The following ZFYVE28 variants were observed in gnomAD, a reference collection of about 807,000 sequenced individuals.
ZFYVE28 encodes the protein zinc finger FYVE-type containing 28, also known as lateral signaling target protein 2 homolog.
ZFYVE28 carries 40 observed loss-of-function variants against 82.1 expected under a neutral mutation model. The observed-to-expected ratio is 0.49, with a 90% CI of 0.38 to 0.63. The LOEUF is 0.63. Ranked by LOEUF, ZFYVE28 falls within the 30% of genes least tolerant of loss-of-function variation. ZFYVE28 has a pLI of 0.00. For missense variants in ZFYVE28, 1,321 were observed against 1,242.1 expected (o/e 1.06, Z -0.96); for synonymous variants, 612 against 546.1 (o/e 1.12, Z -1.68).
intron 1 of ZFYVE28, among the ~76,000 whole-genome samples, chr4:2,368,819 A>G (rs1205777527): frequency 6.6e-6 from 1 of 152,214 alleles, no homozygotes; most frequent in Non-Finnish European, 1.5e-5. Context: ...CTCTCTGGGT[A>G]TATATCTAGA....
At chr4:2,399,832 C>T (rs1437647467) in intron 1 of ZFYVE28, among the ~76,000 whole-genome samples, 12 of 152,238 alleles carry the variant, frequency 7.9e-5, no homozygotes, top group African/African-American at 1.9e-4. Flanking sequence ...GGACGTGAGC[C>T]GTACCAGTCA....
At chr4:2,387,948 T>C (rs1425574284) in intron 1 of ZFYVE28, among the ~76,000 whole-genome samples, 2 of 152,210 alleles carry the variant, frequency 1.3e-5, no homozygotes, top group African/African-American at 4.8e-5. Context: ...GGGCCCCACA[T>C]TCATGCTGCC....
At chr4:2,322,334 G>T (rs190686690) in intron 6 of ZFYVE28, among the ~76,000 whole-genome samples, 1 of 152,210 alleles carries the variant, frequency 6.6e-6, no homozygotes, top group African/African-American at 2.4e-5. Context: ...TGCCAGAAAC[G>T]GTGGGTCCAA....
chr4:2,308,649 G>GAAAGAAAGA (rs1716975236), intron 7 of ZFYVE28, among the ~76,000 whole-genome samples: 2 of 104,476 alleles, frequency 1.9e-5, no homozygotes, highest in Non-Finnish European at 3.9e-5. Flanking sequence ...AAGAAAGAAA[G>GAAAGAAAGA]AAAGAAAGAA....
chr4:2,325,038 T>C (rs541287257), intron 6 of ZFYVE28: 6 of 154,360 alleles, frequency 3.9e-5, no homozygotes, highest in South Asian at 4.0e-4. Flanking sequence ...AGAATGCAAA[T>C]TGTAACTATA....
intron 10 of ZFYVE28, among the ~76,000 whole-genome samples, 195 bp from the exon 11 acceptor site, chr4:2,271,974 C>T (rs1471174731): frequency 1.3e-5 from 2 of 152,224 alleles, no homozygotes; most frequent in Non-Finnish European, 2.9e-5. Flanking sequence ...GAGCAGGGGC[C>T]TCTCCTTTGC....
At chr4:2,290,471 T>A (rs1366923898) in intron 8 of ZFYVE28, among the ~76,000 whole-genome samples, 1 of 152,186 alleles carries the variant, frequency 6.6e-6, no homozygotes, top group Non-Finnish European at 1.5e-5. Context: ...GACACTCCTG[T>A]CTGTTGGCCC....
intron 1 of ZFYVE28, among the ~76,000 whole-genome samples, chr4:2,386,163 G>A (rs1729239017): frequency 6.6e-6 from 1 of 152,122 alleles, no homozygotes; most frequent in South Asian, 2.1e-4. Flanking sequence ...AATGCACATG[G>A]AAGTAAATCC....
intron 1 of ZFYVE28, among the ~76,000 whole-genome samples, chr4:2,356,403 G>GC (rs534175881): frequency 1.5e-5 from 2 of 129,536 alleles, no homozygotes; most frequent in African/African-American, 3.1e-5. Context: ...CCCAGACCCC[G>GC]CCCCCCCGGC....
intron 1 of ZFYVE28, among the ~76,000 whole-genome samples, chr4:2,357,585 G>A (rs1725521494): frequency 6.6e-6 from 1 of 152,178 alleles, no homozygotes; most frequent in Non-Finnish European, 1.5e-5. Flanking sequence ...ATGGGAGGGT[G>A]GGAGAAGCAG....
rs6814736 is a variant in ZFYVE28, at chr4:2,394,566, G to T, written c.39+23719C>A. ...AGGGTCATGAACCACAAGTTATGATGGCTCCAGCTGTGTGCACATAAGGTC... is the reference window on the plus strand; with the variant it reads ...AGGGTCATGAACCACAAGTTATGATTGCTCCAGCTGTGTGCACATAAGGTC... On this transcript the variant is annotated intron_variant, in intron 1 of 12. Coordinates refer to ENST00000290974, the MANE Select transcript of ZFYVE28 (RefSeq NM_020972.3). The surrounding 1 kb of genome is among the most constrained non-coding windows in gnomAD (Gnocchi z 4.0). Among the ~76,000 whole-genome samples the T allele has an allele frequency of 3.9e-5, 6 of 152,224 alleles. No individual in the cohort carries two copies. The highest frequency in any genetic ancestry group is 1.4e-4 in the African/African-American group (6 of 41,520).
chr4:2,272,413 T>A (rs965655728), intron 10 of ZFYVE28, among the ~76,000 whole-genome samples: 1 of 152,198 alleles, frequency 6.6e-6, no homozygotes, highest in Non-Finnish European at 1.5e-5. Flanking sequence ...TTTCCCACCC[T>A]GGATCCTACA....
chr4:2,276,546 G>A (rs956559451), intron 8 of ZFYVE28, among the ~76,000 whole-genome samples: 4 of 152,156 alleles, frequency 2.6e-5, no homozygotes, highest in Admixed American at 2.0e-4. Context: ...GCCAAGAGAC[G>A]GCAGCAACTC....
chr4:2,312,767 A>G (rs1289548946), intron 7 of ZFYVE28, among the ~76,000 whole-genome samples: 1 of 140,762 alleles, frequency 7.1e-6, no homozygotes, highest in Non-Finnish European at 1.5e-5. Context: ...GTTTTGGGCC[A>G]GGTACAGTGG....
In ZFYVE28 at chr4:2,285,084, G is replaced by A. The variant is rs550606842; in HGVS notation, c.2052-10868C>T. 7.2e-5 allele frequency among the ~76,000 whole-genome samples: 11 copies of A among 152,364 alleles called. No homozygotes were observed. The East Asian group carries it at 1.9e-3, about 27-fold the overall frequency. The stretch of plus-strand genomic sequence containing the variant: ...TGGGCCCTAAGCCAACTTGACTGGT[G>A]TCCTTACCCATGGGGAAAATTTGGG... On this transcript the variant is annotated intron_variant, in intron 8 of 12. Transcript: ENST00000290974.
intron 1 of ZFYVE28, among the ~76,000 whole-genome samples, chr4:2,367,138 G>A (rs145873382): frequency 6.6e-6 from 1 of 152,312 alleles, no homozygotes; most frequent in Non-Finnish European, 1.5e-5. Context: ...GGAGGAGAAT[G>A]GGTGGTGAGA....
intron 6 of ZFYVE28, chr4:2,325,051 T>C (rs926346728): frequency 6.5e-6 from 1 of 153,466 alleles, no homozygotes; most frequent in South Asian, 2.0e-4. Flanking sequence ...TAACTATACA[T>C]GTGCCAATTA....
rs551017486 is a variant in ZFYVE28, at chr4:2,273,244, C to G, written c.2252G>C (p.Ser751Thr). Residue 751 changes from serine to threonine, a missense_variant, in exon 10 of 13, where the codon AGT becomes ACT. Ser to Thr is a moderately conservative substitution (Grantham distance 58, BLOSUM62 1). This residue lies in a region of ZFYVE28 where 978 missense variants were observed against 833.7 expected (regional missense o/e 1.17). Coordinates refer to ENST00000290974, the MANE Select transcript of ZFYVE28 (RefSeq NM_020972.3). Reference protein sequence around the residue: ...LQTNYASDLRSILKTLFEVMA... With the variant: ...LQTNYASDLRTILKTLFEVMA... ...GACCTCAAACAGTGTTTTAAGAATA[C>G]TTCTCAGGTCACTGGCATAGTTCGT... is the stretch of plus-strand genomic sequence containing the variant. 6.2e-7 allele frequency: 1 copy of G among 1,613,694 alleles called. No homozygotes were observed. The highest frequency in any genetic ancestry group is 8.5e-7 in the Non-Finnish European group (1 of 1,179,892).
rs1290108652 is a variant in ZFYVE28, at chr4:2,335,405, C to G, written c.701+300G>C. 2.0e-5 allele frequency among the ~76,000 whole-genome samples: 3 copies of G among 152,196 alleles called. No individual in the cohort carries two copies. The highest frequency in any genetic ancestry group is 1.5e-5 in the Non-Finnish European group (1 of 68,034). On this transcript the variant is annotated intron_variant, in intron 6 of 12. Transcript: ENST00000290974. This position sits in a 1 kb window ranked among gnomAD's most constrained non-coding sequence, Gnocchi z 5.8. ...GTGTGACCCTCATGGTCTCCTGTGA[C>G]TAATGAGCTCACCTGTGGATCTCAC...
Sources: gnomAD v4.1 joint callset for allele counts (sites outside exome capture counted in the v4.1 genomes callset) on GRCh38, gnomAD v4.1.1 for gene constraint, gnomAD v4.1.1 regional missense constraint, Gnocchi (gnomAD v3.1) non-coding constraint, MANE v1.5 for transcripts, NCBI Gene and HGNC (gene_info 2026-07-23, HGNC 2026-07-21) for gene names.